IFT46: variants seen among roughly 807,000 people sequenced by gnomAD.
IFT46 encodes the protein intraflagellar transport 46, also known as intraflagellar transport protein 46 homolog.
Under a neutral mutation model 39.6 loss-of-function variants are expected in IFT46, and 19 were observed. The observed-to-expected ratio is 0.48, with a 90% confidence interval of 0.33 to 0.70. The LOEUF (loss-of-function observed/expected upper bound fraction) is 0.70. Ranked by LOEUF, IFT46 falls within the 30% of genes least tolerant of loss-of-function variation. The pLI is 0.01. For missense variants in IFT46, 334 were observed against 364.8 expected (o/e 0.92, Z 0.69); for synonymous variants, 117 against 134.8 (o/e 0.87, Z 0.91).
intron 3 of IFT46, chr11:118,557,411 A>C: frequency 2.6e-6 from 1 of 389,978 alleles, no homozygotes; most frequent in South Asian, 3.8e-5. Context: ...TTGGAAGAAA[A>C]TCAGGGAATA....
chr11:118,545,622 CA>C, intron 10 of IFT46, 128 bp from the exon 11 acceptor site: 1 of 1,048,394 alleles, frequency 9.5e-7, no homozygotes, highest in Admixed American at 1.9e-5. Context: ...AAATACCCAG[CA>C]GGTAGTCACA....
chr11:118,557,729 A>G (rs782289402), intron 3 of IFT46: 3 of 1,613,866 alleles, frequency 1.9e-6, no homozygotes, highest in African/African-American at 1.3e-5. Context: ...TCTTGACATT[A>G]TAACCTACCT....
Position 118,572,529 on chromosome 11 carries a change from C to T in IFT46, c.-133+67G>A, listed in dbSNP as rs549676941. On this transcript the variant is annotated intron_variant, in intron 1 of 5. Transcript: ENST00000528378. ...CCAGTGGAGCCGGAGTGCGGGCGCG[C>T]CCCACCACCGCCCTCACCATGGTAA... The T allele has an allele frequency of 4.3e-6, 7 of 1,611,406 alleles. No individual in the cohort carries two copies. In the African/African-American group the frequency reaches 5.3e-5, roughly 12 times the overall value.
At position 118,551,818 on chromosome 11, in the gene IFT46, A is replaced by G; in HGVS notation, c.640T>C (p.Trp214Arg). The G allele has an allele frequency of 6.2e-7, 1 of 1,614,144 alleles. No homozygotes were observed. The highest frequency in any genetic ancestry group is 8.5e-7 in the Non-Finnish European group (1 of 1,180,034). The part of the protein sequence containing the change: ...MPDIDTLMQE[W>R]SPEFEELLGK... ...AAAAGCTCTTCAAACTCCGGGGACC[A>G]TTCCTGCATCAGCGTGTCAATGTCG... Residue 214 changes from tryptophan to arginine, a missense_variant, in exon 9 of 12, where the codon TGG (tryptophan) becomes CGG (arginine). By Grantham distance (101) the Trp-to-Arg change is moderately radical. Coordinates refer to ENST00000264021, the MANE Select transcript of IFT46 (RefSeq NM_001168618.2).
At position 118,555,285 on chromosome 11, in the gene IFT46, A is replaced by C; in HGVS notation, c.223T>G (p.Ser75Ala). The change falls in exon 5 of 12, where the codon TCT (serine) becomes GCT (alanine). Residue 75 changes from serine (S) to alanine (A), a missense_variant. Transcript: ENST00000264021. ...DPADYEHLPV[S>A]AEIKELFQYI... ...TGGAAGAGTTCCTTAATTTCAGCAG[A>C]AACTGGCAAATGCTCATAGTCTGCA... 1 of 1,614,170 alleles carries C rather than the reference A, an allele frequency of 6.2e-7. No individual in the cohort carries two copies. The highest frequency in any genetic ancestry group is 8.5e-7 in the Non-Finnish European group (1 of 1,180,008).
At chr11:118,561,250 G>C in intron 2 of IFT46, 2 of 1,355,440 alleles carry the variant, frequency 1.5e-6, no homozygotes, top group Non-Finnish European at 2.1e-6. Flanking sequence ...CTGAAAGCAA[G>C]GAATTTAATG....
chr11:118,559,930 T>C lies in IFT46; in HGVS notation c.-35-66A>G, dbSNP rs182921584. 13 of 924,928 alleles carry C rather than the reference T, an allele frequency of 1.4e-5. No individual in the cohort carries two copies. In the Admixed American group the frequency reaches 2.4e-4, roughly 17 times the overall value. The allele number at this position is 924,928 out of a possible 1,614,324, so 57.3% of individuals were successfully genotyped here. Reference sequence around the variant, plus strand: ...ATTTTTAAAAACAAGTATTTTTTAGTTTTTAATATTTTATGCTCTAACCAT... The same window carrying C: ...ATTTTTAAAAACAAGTATTTTTTAGCTTTTAATATTTTATGCTCTAACCAT... On this transcript the variant is annotated intron_variant, in intron 2 of 11. Coordinates refer to ENST00000264021, the MANE Select transcript of IFT46 (RefSeq NM_001168618.2).
At chr11:118,548,427 C>T (rs1378267648) in intron 9 of IFT46, among the ~76,000 whole-genome samples, 3 of 146,478 alleles carry the variant, frequency 2.0e-5, no homozygotes, top group East Asian at 2.0e-4. Context: ...TACAGTGGCG[C>T]GATCTTGGCT....
intron 2 of IFT46, among the ~76,000 whole-genome samples, chr11:118,562,552 T>C (rs1446767037): frequency 1.3e-5 from 2 of 152,238 alleles, no homozygotes; most frequent in African/African-American, 2.4e-5. Flanking sequence ...AAACCCTTTT[T>C]TTATTTACTA....
chr11:118,565,985 T>G (rs1490024136), upstream of IFT46: 1 of 152,190 alleles, frequency 6.6e-6, no homozygotes, highest in African/African-American at 2.4e-5. Flanking sequence ...TCCTGCGCGT[T>G]AAGCCTCACC....
At chr11:118,576,574 A>T (rs1370795560), upstream of IFT46, among the ~76,000 whole-genome samples, 1 of 152,148 alleles carries the variant, frequency 6.6e-6, no homozygotes, top group African/African-American at 2.4e-5. Context: ...AAACCAGTAA[A>T]CATTAATGTA....
At position 118,544,850 on chromosome 11, in the gene IFT46, G is replaced by T; in HGVS notation, c.*66C>A. 8.7e-7 allele frequency: 1 copy of T among 1,148,358 alleles called. No individual in the cohort carries two copies. Among genetic ancestry groups the T allele is most frequent in the Non-Finnish European group, 1.3e-6 (1 of 764,866 alleles). 71.1% of individuals were successfully genotyped at this position (1,148,358 alleles called of 1,614,324 possible). A position where few individuals can be genotyped will look rare whatever the true frequency, so the allele number is the denominator to read the frequency against. On this transcript the variant is annotated 3_prime_UTR_variant, in exon 12 of 12. Transcript: ENST00000264021. The stretch of plus-strand genomic sequence containing the variant: ...GCAAGGACATCAAGTAGCTGACAAC[G>T]ATCTGTCCATCTCAGCTGGGGCAGA...
rs933286691 is a variant in IFT46, at chr11:118,545,331, A to G, written c.819+78T>C. ...GACATCCTACATCGCTATAGGATGC[A>G]ATCACAGCAGGCTCAGAACAGTAGA... is the stretch of plus-strand genomic sequence containing the variant. On this transcript the variant is annotated intron_variant, in intron 11 of 11. Transcript: ENST00000264021. 5.6e-6 allele frequency: 6 copies of G among 1,072,930 alleles called. No homozygotes were observed. The Admixed American group carries it at 5.7e-5, about 10-fold the overall frequency. 66.5% of individuals were successfully genotyped at this position (1,072,930 alleles called of 1,614,324 possible).
At chr11:118,557,182 G>A (rs1937869751) in intron 3 of IFT46, 137 bp from the exon 4 acceptor site, 1 of 730,788 alleles carries the variant, frequency 1.4e-6, no homozygotes, top group South Asian at 3.6e-5. Context: ...GCACTTCCCA[G>A]AAGGGGCTTG....
At chr11:118,550,954 G>C (rs186793379) in intron 9 of IFT46, among the ~76,000 whole-genome samples, 7 of 151,162 alleles carry the variant, frequency 4.6e-5, no homozygotes, top group East Asian at 2.0e-4. Context: ...TTGAACCTGC[G>C]GGGGGTACGG....
chr11:118,561,197 T>C (rs1410983845), intron 2 of IFT46: 16 of 1,390,850 alleles, frequency 1.2e-5, no homozygotes, highest in Non-Finnish European at 1.6e-5. Flanking sequence ...GGATGGAGGC[T>C]TGTCTGTCCC....
intron 4 of IFT46, 24 bp downstream of exon 4, chr11:118,556,882 T>C: frequency 6.4e-7 from 1 of 1,552,012 alleles, no homozygotes; most frequent in Non-Finnish European, 8.7e-7. Flanking sequence ...AAGAGCACCC[T>C]TGGCTTGGGT....
chr11:118,562,239 T>G (rs113235959), intron 2 of IFT46, among the ~76,000 whole-genome samples: 2,548 of 151,654 alleles, frequency 0.017, 79 homozygotes, highest in African/African-American at 0.057. Flanking sequence ...ATCACGCCAT[T>G]GCACTCCAGC....
Position 118,559,808 on chromosome 11 carries a change from C to T in IFT46, c.22G>A (p.Glu8Lys). The T allele has an allele frequency of 6.2e-7, 1 of 1,613,560 alleles. No homozygotes were observed. Among genetic ancestry groups the T allele is most frequent in the African/African-American group, 1.3e-5 (1 of 75,052 alleles). The change falls in exon 3 of 12, where the codon GAG (glutamate) becomes AAG (lysine). Residue 8 changes from glutamate (E) to lysine (K), a missense_variant. Transcript: ENST00000264021. MADNSSDECEEENNKEKK... is the reference protein window; with the variant it reads MADNSSDKCEEENNKEKK... ...ACCTTGTTATTTTCCTCTTCACACT[C>T]ATCACTGCTGTTATCAGCCATAGCC...
Sources: allele counts gnomAD v4.1 joint callset (sites outside exome capture counted in the v4.1 genomes callset), GRCh38; gene constraint gnomAD v4.1.1; transcripts MANE v1.5; gene names NCBI Gene and HGNC (gene_info 2026-07-23, HGNC 2026-07-21).